SHROOM3: variants seen among roughly 807,000 people sequenced by gnomAD.
SHROOM3 encodes the protein protein Shroom3.
In SHROOM3, 47 loss-of-function variants were observed where a neutral mutation model predicts 138.6. The ratio of observed to expected loss-of-function variants is 0.34; its 90% CI spans 0.27 to 0.43. The LOEUF is 0.43. Ranked by LOEUF, SHROOM3 falls within the 20% of genes least tolerant of loss-of-function variation. The probability of loss-of-function intolerance (pLI) is 1.00; values close to 1 mark genes in which losing one functional copy is unlikely to be tolerated. For missense variants in SHROOM3, 2,491 were observed against 2,596.5 expected, an observed-to-expected ratio of 0.96 and a Z score of 0.88; for synonymous variants, 1,062 against 1,063.3, an observed-to-expected ratio of 1.00 and a Z score of 0.02.
At chr4:76,693,366 GTTTGTTTT>G (rs1203132713) in intron 2 of SHROOM3, among the ~76,000 whole-genome samples, 55 of 60,102 alleles carry the variant, frequency 9.2e-4, no homozygotes, top group African/African-American at 3.8e-3. Context: ...ATTTTGATAA[GTTTGTTTT>G]TTTTTTTTTT....
chr4:76,748,026 A>G (rs1012679059), intron 5 of SHROOM3, among the ~76,000 whole-genome samples: 1 of 152,238 alleles, frequency 6.6e-6, no homozygotes, highest in Non-Finnish European at 1.5e-5. Flanking sequence ...TATTCCAGGC[A>G]TATAATTTGT....
chr4:76,515,710 C>T (rs745869710), intron 1 of SHROOM3, among the ~76,000 whole-genome samples: 23 of 152,058 alleles, frequency 1.5e-4, no homozygotes, highest in East Asian at 5.8e-4. Flanking sequence ...TTGGATTTTA[C>T]GTCTAAAAAC....
chr4:76,747,405 C>G (rs887508282), intron 5 of SHROOM3, among the ~76,000 whole-genome samples: 1 of 152,038 alleles, frequency 6.6e-6, no homozygotes, highest in Non-Finnish European at 1.5e-5. Flanking sequence ...TTTCCTTTGT[C>G]AAGTGGTATT....
At chr4:76,535,576 C>T (rs1732934065) in intron 1 of SHROOM3, among the ~76,000 whole-genome samples, 1 of 152,168 alleles carries the variant, frequency 6.6e-6, no homozygotes, top group African/African-American at 2.4e-5. Flanking sequence ...TCCCAAATTT[C>T]CACTGTAGGA....
At chr4:76,437,602 C>G (rs535364230) in intron 1 of SHROOM3, among the ~76,000 whole-genome samples, 1 of 152,284 alleles carries the variant, frequency 6.6e-6, no homozygotes, top group South Asian at 2.1e-4. Flanking sequence ...GAACTGTACC[C>G]TGTGCCTGTC....
chr4:76,633,656 C>CAAAAAAA (rs869138315), intron 2 of SHROOM3, among the ~76,000 whole-genome samples: 3 of 88,760 alleles, frequency 3.4e-5, no homozygotes, highest in African/African-American at 4.3e-5. Context: ...GACTCCGTCT[C>CAAAAAAA]AAAAAAAAAA....
intron 2 of SHROOM3, chr4:76,709,635 G>T (rs76083974): frequency 0.017 from 2,907 of 172,690 alleles, 80 homozygotes; most frequent in African/African-American, 0.066. Context: ...TAAACAATCT[G>T]AAATAGCTCA....
At chr4:76,545,360 C>T (rs1490232998) in intron 1 of SHROOM3, among the ~76,000 whole-genome samples, 1 of 152,166 alleles carries the variant, frequency 6.6e-6, no homozygotes, top group Non-Finnish European at 1.5e-5. Context: ...TCCCAGGGAG[C>T]TGTAAATCAA....
At position 76,556,074 on chromosome 4, in the gene SHROOM3, G is replaced by A. The variant is rs4340816; in HGVS notation, c.323+311G>A. On this transcript the variant is annotated intron_variant, in intron 2 of 10. Coordinates refer to ENST00000296043, the MANE Select transcript of SHROOM3 (RefSeq NM_020859.4). ...AAAAGTGACACTCATCCCAGATGCG[G>A]TCAGAGCTCTAATAAGCTTTTTGTC... 2.7e-3 allele frequency among the ~76,000 whole-genome samples: 415 copies of A among 152,282 alleles called. 2 individuals carry two copies. The highest frequency in any genetic ancestry group is 5.2e-3 in the Non-Finnish European group (356 of 68,030).
chr4:76,631,954 C>G (rs1735337581), intron 2 of SHROOM3, among the ~76,000 whole-genome samples: 1 of 152,076 alleles, frequency 6.6e-6, no homozygotes, highest in South Asian at 2.1e-4. Context: ...ATCGGATCAA[C>G]TGACTTGCAG....
At chr4:76,470,555 TCA>T (rs1731348460) in intron 1 of SHROOM3, among the ~76,000 whole-genome samples, 1 of 152,202 alleles carries the variant, frequency 6.6e-6, no homozygotes, top group South Asian at 2.1e-4. Flanking sequence ...TGAGAGTTTT[TCA>T]CAGAGCTGAA....
At position 76,664,879 on chromosome 4, in the gene SHROOM3, G is replaced by A. The variant is rs1532257; in HGVS notation, c.324-45277G>A. On this transcript the variant is annotated intron_variant, in intron 2 of 10. Transcript: ENST00000296043. The surrounding 1 kb of genome is among the most constrained non-coding windows in gnomAD (Gnocchi z 4.2). ...TAAAGGCTTCCAGGTGGTCGAGCAC[G>A]GTGGCTTTTGCCTGTAATCCTAGCA... 4.9e-4 allele frequency among the ~76,000 whole-genome samples: 74 copies of A among 152,146 alleles called. 1 individual carries two copies. Among genetic ancestry groups the A allele is most frequent in the Non-Finnish European group, 7.2e-4 (49 of 68,004 alleles).
chr4:76,689,429 G>A, intron 2 of SHROOM3: 1 of 774,640 alleles, frequency 1.3e-6, no homozygotes, highest in East Asian at 1.3e-4. Flanking sequence ...GCGGGCCCGG[G>A]CGGGACGAGA....
Position 76,754,924 on chromosome 4 carries a change from A to C in SHROOM3, c.4441A>C (p.Thr1481Pro), listed in dbSNP as rs61739913. 2,214 of 1,613,920 alleles carry C rather than the reference A, an allele frequency of 1.4e-3. 29 individuals carry two copies. The African/African-American group carries it at 0.025, about 18-fold the overall frequency. ...AGACACACCTCTTGGGGCCCCGAGC[A>C]CTCCAGGGAGGATCTCCCTCCGAAT... Reference protein sequence around the residue: ...DPDTPLGAPSTPGRISLRISE... With the variant: ...DPDTPLGAPSPPGRISLRISE... Residue 1481 changes from threonine (T) to proline (P), a missense_variant, in exon 7 of 11, where the codon ACT (threonine) becomes CCT (proline). Thr to Pro is a conservative substitution (Grantham distance 38). Coordinates refer to ENST00000296043, the MANE Select transcript of SHROOM3 (RefSeq NM_020859.4).
chr4:76,516,194 C>T (rs1732440830), intron 1 of SHROOM3, among the ~76,000 whole-genome samples: 1 of 152,098 alleles, frequency 6.6e-6, no homozygotes, highest in African/African-American at 2.4e-5. Context: ...ACTTTACCTC[C>T]TACTATTACT....
At chr4:76,747,509 C>T (rs1039532857) in intron 5 of SHROOM3, among the ~76,000 whole-genome samples, 1 of 151,988 alleles carries the variant, frequency 6.6e-6, no homozygotes, top group Non-Finnish European at 1.5e-5. Context: ...AGTTTAAGCT[C>T]GATATTCTAG....
At chr4:76,625,545 T>G (rs1227272215) in intron 2 of SHROOM3, among the ~76,000 whole-genome samples, 1 of 150,882 alleles carries the variant, frequency 6.6e-6, no homozygotes, top group East Asian at 2.0e-4. Flanking sequence ...AAGCCCTCAT[T>G]GCTCACATCT....
chr4:76,629,936 C>T (rs1735265314), intron 2 of SHROOM3, among the ~76,000 whole-genome samples: 1 of 152,148 alleles, frequency 6.6e-6, no homozygotes, highest in African/African-American at 2.4e-5. Context: ...GAGTCTTCAG[C>T]CTATATATGA....
chr4:76,704,642 G>C (rs1481936392), intron 2 of SHROOM3, among the ~76,000 whole-genome samples: 1 of 152,230 alleles, frequency 6.6e-6, no homozygotes, highest in African/African-American at 2.4e-5. Context: ...GGAGGGGCAG[G>C]AGCCACGTCA....
Sources: gnomAD v4.1 joint callset for allele counts (sites outside exome capture counted in the v4.1 genomes callset) on GRCh38, gnomAD v4.1.1 for gene constraint, Gnocchi (gnomAD v3.1) non-coding constraint, MANE v1.5 for transcripts, NCBI Gene and HGNC (gene_info 2026-07-23, HGNC 2026-07-21) for gene names.